HHAT: variants seen among roughly 807,000 people sequenced by gnomAD.
The protein encoded by HHAT is protein-cysteine N-palmitoyltransferase HHAT.
In HHAT, 47 loss-of-function variants were observed where a neutral mutation model predicts 70.8. The observed-to-expected ratio is 0.66, with a 90% CI of 0.53 to 0.85. HHAT has a LOEUF of 0.85. Among genes scored for constraint, HHAT ranks in the 40% least tolerant of loss-of-function variants. The probability of loss-of-function intolerance (pLI) is 0.00; values close to 1 mark genes in which losing one functional copy is unlikely to be tolerated. For missense variants in HHAT, 609 were observed against 604.8 expected (o/e 1.01, Z -0.07); for synonymous variants, 228 against 247.6 (o/e 0.92, Z 0.74).
intron 9 of HHAT, among the ~76,000 whole-genome samples, chr1:210,525,284 C>T (rs2095228969): frequency 1.3e-5 from 2 of 152,122 alleles, no homozygotes; most frequent in African/African-American, 4.8e-5. Context: ...CCAGTGAAAT[C>T]TGTCACATAA....
At chr1:210,513,223 A>G (rs758920843) in intron 9 of HHAT, 35 bp downstream of exon 9, 4 of 1,106,798 alleles carry the variant, frequency 3.6e-6, no homozygotes, top group Non-Finnish European at 5.5e-6. Flanking sequence ...ATAACATTGA[A>G]TAACATGTCT....
intron 10 of HHAT, among the ~76,000 whole-genome samples, chr1:210,605,093 T>C (rs1158193563): frequency 7.9e-5 from 12 of 152,190 alleles, no homozygotes; most frequent in Non-Finnish European, 5.9e-5. Flanking sequence ...ACTAGGGCTG[T>C]TGTAGTTGCC....
chr1:210,490,359 C>T (rs2094532944), intron 8 of HHAT, among the ~76,000 whole-genome samples: 1 of 152,208 alleles, frequency 6.6e-6, no homozygotes, highest in South Asian at 2.1e-4. Context: ...ATCTTCTCTA[C>T]CAGAAATAAT....
intron 9 of HHAT, among the ~76,000 whole-genome samples, chr1:210,538,961 C>G (rs1573142148): frequency 6.6e-6 from 1 of 152,096 alleles, no homozygotes; most frequent in African/African-American, 2.4e-5. Flanking sequence ...TCTGTAATCC[C>G]AACTATTCAG....
intron 10 of HHAT, among the ~76,000 whole-genome samples, chr1:210,606,048 G>T (rs1235193709): frequency 6.6e-6 from 1 of 151,848 alleles, no homozygotes; most frequent in Admixed American, 6.6e-5. Flanking sequence ...AGTAGAGATG[G>T]AATTTCACTA....
At chr1:210,496,798 ATAATGGAAGTCT>A (rs772093298) in intron 8 of HHAT, among the ~76,000 whole-genome samples, 11 of 152,214 alleles carry the variant, frequency 7.2e-5, no homozygotes, top group Non-Finnish European at 1.6e-4. Context: ...GTGAAGCAAG[ATAATGGAAGTCT>A]TACCGGGCTA....
intron 11 of HHAT, among the ~76,000 whole-genome samples, chr1:210,657,798 G>A (rs977240339): frequency 1.3e-5 from 2 of 152,132 alleles, no homozygotes; most frequent in Non-Finnish European, 2.9e-5. Context: ...GTAAGTCCAG[G>A]TGTTTAGGGC....
At chr1:210,559,666 G>A (rs1344332119) in intron 9 of HHAT, among the ~76,000 whole-genome samples, 2 of 152,186 alleles carry the variant, frequency 1.3e-5, no homozygotes, top group Admixed American at 6.5e-5. Context: ...CCATAGGTCA[G>A]AGACAGAAAT....
At chr1:210,665,971 A>G (rs919239814) in intron 11 of HHAT, among the ~76,000 whole-genome samples, 1 of 152,214 alleles carries the variant, frequency 6.6e-6, no homozygotes, top group Non-Finnish European at 1.5e-5. Context: ...GGTGTAGTAG[A>G]TTGCATATTC....
chr1:210,485,881 A>G (rs112592524), intron 8 of HHAT, among the ~76,000 whole-genome samples: 53 of 152,216 alleles, frequency 3.5e-4, no homozygotes, highest in African/African-American at 6.3e-4. Flanking sequence ...CAGCTAAACC[A>G]TGTCAGTCTC....
intron 7 of HHAT, chr1:210,463,108 C>G (rs988930315): frequency 1.3e-5 from 2 of 151,472 alleles, no homozygotes; most frequent in African/African-American, 2.4e-5. Context: ...CTCCTTACCC[C>G]ACTAGACCTC....
At chr1:210,597,203 C>G (rs1315771137) in intron 10 of HHAT, among the ~76,000 whole-genome samples, 12 of 152,220 alleles carry the variant, frequency 7.9e-5, no homozygotes, top group Admixed American at 7.9e-4. Context: ...GTGTGCTAAA[C>G]TGCCTAGAGC....
chr1:210,649,324 G>T (rs1291151766), intron 11 of HHAT, among the ~76,000 whole-genome samples: 3 of 152,196 alleles, frequency 2.0e-5, no homozygotes, highest in Non-Finnish European at 4.4e-5. Context: ...TCTAAGCATG[G>T]CATAATTGCC....
At chr1:210,390,615 A>G (rs1317650703) in intron 4 of HHAT, among the ~76,000 whole-genome samples, 1 of 152,148 alleles carries the variant, frequency 6.6e-6, no homozygotes, top group African/African-American at 2.4e-5. Flanking sequence ...CAAGCAATGT[A>G]TACTGTAGCC....
At chr1:210,565,587 A>G (rs899172312) in intron 9 of HHAT, among the ~76,000 whole-genome samples, 1 of 152,204 alleles carries the variant, frequency 6.6e-6, no homozygotes, top group Non-Finnish European at 1.5e-5. Flanking sequence ...ATCTAAAAAA[A>G]CAGAAACGAT....
At chr1:210,615,857 G>A (rs1427982643) in intron 10 of HHAT, among the ~76,000 whole-genome samples, 1 of 152,200 alleles carries the variant, frequency 6.6e-6, no homozygotes, top group Admixed American at 6.5e-5. Context: ...ACTGGGGGGT[G>A]CCTCCCAGTT....
intron 10 of HHAT, among the ~76,000 whole-genome samples, chr1:210,593,626 A>G (rs1662261277): frequency 1.3e-5 from 2 of 152,160 alleles, no homozygotes; most frequent in Non-Finnish European, 2.9e-5. Context: ...TACGTGGAGG[A>G]GAAGAATGTG....
intron 8 of HHAT, among the ~76,000 whole-genome samples, chr1:210,497,818 T>G (rs146349633): frequency 0.013 from 1,892 of 150,316 alleles, 93 homozygotes; most frequent in East Asian, 0.11. Flanking sequence ...CAGGCTGGAG[T>G]GCAGTGGCGC....
intron 8 of HHAT, among the ~76,000 whole-genome samples, chr1:210,479,417 T>A (rs1572723560): frequency 6.6e-6 from 1 of 152,222 alleles, no homozygotes; most frequent in African/African-American, 2.4e-5. Context: ...TGAGTCTCCA[T>A]AGCCCCTGAA....
Sources: gnomAD v4.1 joint callset for allele counts (sites outside exome capture counted in the v4.1 genomes callset) on GRCh38, gnomAD v4.1.1 for gene constraint, MANE v1.5 for transcripts, NCBI Gene and HGNC (gene_info 2026-07-23, HGNC 2026-07-21) for gene names.